Variants in PRKG1 observed in about 807,000 individuals in gnomAD.
PRKG1 encodes protein kinase cGMP-dependent 1.
Under a neutral mutation model 88.1 loss-of-function variants are expected in PRKG1, and 35 were observed. That is an observed-to-expected ratio of 0.40 (90% CI 0.30 to 0.53). The LOEUF (loss-of-function observed/expected upper bound fraction) is 0.53, where lower values mean the gene tolerates loss of function less well. Among genes scored for constraint, PRKG1 ranks in the 20% least tolerant of loss-of-function variants. The pLI, the probability that PRKG1 is intolerant of heterozygous loss-of-function variation, is 0.59. For missense variants in PRKG1, 540 were observed against 839.8 expected, an observed-to-expected ratio of 0.64 and a Z score of 4.41; for synonymous variants, 303 against 292.5, an observed-to-expected ratio of 1.04 and a Z score of -0.37.
intron 3 of PRKG1, among the ~76,000 whole-genome samples, chr10:51,507,236 G>T (rs1378906161): frequency 7.9e-5 from 12 of 151,694 alleles, no homozygotes; most frequent in Non-Finnish European, 1.6e-4. Context: ...CAGCAACATG[G>T]CACATGTATA....
intron 4 of PRKG1, among the ~76,000 whole-genome samples, chr10:51,807,026 A>G (rs1839325474): frequency 6.6e-6 from 1 of 152,130 alleles, no homozygotes; most frequent in South Asian, 2.1e-4. Context: ...CATCTCTGCC[A>G]TGTGTTTTAT....
intron 1 of PRKG1, among the ~76,000 whole-genome samples, chr10:51,113,453 CT>C (rs1564605091): frequency 6.6e-6 from 1 of 152,164 alleles, no homozygotes; most frequent in Non-Finnish European, 1.5e-5. Context: ...TTCTCCCTAG[CT>C]GCCCTTCCCA....
At chr10:51,870,072 A>G (rs1415686319) in intron 4 of PRKG1, among the ~76,000 whole-genome samples, 2 of 152,120 alleles carry the variant, frequency 1.3e-5, no homozygotes, top group Non-Finnish European at 2.9e-5. Flanking sequence ...CCAACAAACT[A>G]TTTTCCAAGT....
intron 4 of PRKG1, among the ~76,000 whole-genome samples, chr10:51,833,442 G>A (rs1182109960): frequency 1.3e-5 from 2 of 152,142 alleles, no homozygotes; most frequent in Non-Finnish European, 2.9e-5. Context: ...TGATAGGTAT[G>A]TATTATTCCA....
intron 1 of PRKG1, among the ~76,000 whole-genome samples, chr10:51,133,683 C>T (rs1845624673): frequency 6.6e-6 from 1 of 152,020 alleles, no homozygotes; most frequent in Non-Finnish European, 1.5e-5. Flanking sequence ...AAAGAGATGG[C>T]CTAGTTCTTT....
intron 9 of PRKG1, among the ~76,000 whole-genome samples, chr10:52,244,783 TATATATTTAAATATATATTTAG>T (rs1462985563): frequency 1.6e-5 from 2 of 125,638 alleles, no homozygotes; most frequent in East Asian, 3.2e-4. Context: ...TATACCTTAA[TATATATTTAAATATATATTTAG>T]ATATATTTAA....
chr10:51,631,871 GTTT>G, intron 3 of PRKG1, among the ~76,000 whole-genome samples: 1 of 152,172 alleles, frequency 6.6e-6, no homozygotes, highest in Non-Finnish European at 1.5e-5. Flanking sequence ...TGAGGAACAT[GTTT>G]GTAACCAGTA....
chr10:51,822,548 T>C (rs761226581), intron 4 of PRKG1, among the ~76,000 whole-genome samples: 42 of 152,168 alleles, frequency 2.8e-4, no homozygotes, highest in Non-Finnish European at 5.3e-4. Context: ...TTTTTGTAAA[T>C]ACCCCTCTAC....
intron 1 of PRKG1, among the ~76,000 whole-genome samples, chr10:51,077,190 G>T (rs1843976190): frequency 6.6e-6 from 1 of 152,184 alleles, no homozygotes; most frequent in Non-Finnish European, 1.5e-5. Context: ...CCAAACCAAA[G>T]AAGACTTGTT....
chr10:51,467,702 T>A, intron 2 of PRKG1, 21 bp from the exon 3 acceptor site: 1 of 1,557,212 alleles, frequency 6.4e-7, no homozygotes, highest in Non-Finnish European at 8.9e-7. Flanking sequence ...ATATAACATG[T>A]TTTTCCCTCC....
intron 14 of PRKG1, among the ~76,000 whole-genome samples, chr10:52,284,922 C>T (rs1406908761): frequency 1.3e-5 from 2 of 151,978 alleles, no homozygotes; most frequent in African/African-American, 4.8e-5. Flanking sequence ...CACATGACCT[C>T]CCTGAATGTT....
At chr10:51,119,632 A>C (rs1182129103) in intron 1 of PRKG1, among the ~76,000 whole-genome samples, 1 of 152,082 alleles carries the variant, frequency 6.6e-6, no homozygotes. Context: ...ACATAATTCC[A>C]ACACTAACTC....
At position 52,114,457 on chromosome 10, in the gene PRKG1, T is replaced by C. The variant is rs569560550; in HGVS notation, c.936-19383T>C. On this transcript the variant is annotated intron_variant, in intron 7 of 17. Transcript: ENST00000373980. ...ATATTTTAGTTCTTTTCGTTCTTTT[T>C]TTTTTCCTTTCAAACAATCCTTTAA... Among the ~76,000 whole-genome samples, 3 of 152,068 alleles carry C rather than the reference T, an allele frequency of 2.0e-5. No homozygotes were observed. The South Asian group carries it at 6.2e-4, about 31-fold the overall frequency.
intron 2 of PRKG1, among the ~76,000 whole-genome samples, chr10:51,154,609 G>A (rs1170108342): frequency 6.6e-6 from 1 of 151,824 alleles, no homozygotes; most frequent in East Asian, 1.9e-4. Flanking sequence ...CATTCAGCAT[G>A]CACCTTTTAT....
chr10:52,015,812 C>G (rs1046316163), intron 5 of PRKG1, among the ~76,000 whole-genome samples: 2 of 152,184 alleles, frequency 1.3e-5, no homozygotes, highest in African/African-American at 2.4e-5. Flanking sequence ...GCTAAATTAT[C>G]TCTCTCAAGT....
intron 1 of PRKG1, among the ~76,000 whole-genome samples, chr10:51,040,311 C>CTTTTTTT (rs34444612): frequency 2.3e-5 from 1 of 42,584 alleles, no homozygotes; most frequent in Non-Finnish European, 4.0e-5. Context: ...TTCTTTTTCT[C>CTTTTTTT]TTTTTTTTTT....
intron 3 of PRKG1, among the ~76,000 whole-genome samples, chr10:51,533,293 TC>T (rs1321499229): frequency 6.6e-6 from 1 of 152,240 alleles, no homozygotes; most frequent in African/African-American, 2.4e-5. Context: ...TTTTCACAAT[TC>T]TTTTACATCT....
chr10:51,429,584 A>C (rs950087320), intron 2 of PRKG1, among the ~76,000 whole-genome samples: 1 of 152,204 alleles, frequency 6.6e-6, no homozygotes, highest in African/African-American at 2.4e-5. Context: ...TGTTTAAAGA[A>C]TTAAAGTATG....
chr10:51,392,346 C>T (rs1485796966), intron 2 of PRKG1, among the ~76,000 whole-genome samples: 1 of 151,968 alleles, frequency 6.6e-6, no homozygotes, highest in Non-Finnish European at 1.5e-5. Context: ...AAGGAGCATG[C>T]TGCCTTCAAG....
Sources: allele counts gnomAD v4.1 joint callset (sites outside exome capture counted in the v4.1 genomes callset), GRCh38; gene constraint gnomAD v4.1.1; transcripts MANE v1.5; gene names NCBI Gene and HGNC (gene_info 2026-07-23, HGNC 2026-07-21).